C2orf81: variants seen among roughly 807,000 people sequenced by gnomAD.
C2orf81 encodes the protein uncharacterized protein C2orf81.
In C2orf81, 5 loss-of-function variants were observed where a neutral mutation model predicts 7.9. The ratio of observed to expected loss-of-function variants is 0.63; its 90% CI spans 0.33 to 1.33. The LOEUF is 1.33. C2orf81 is among the 40% of genes most tolerant of loss of function. The pLI is 0.05. For missense variants in C2orf81, 781 were observed against 830.4 expected, an observed-to-expected ratio of 0.94 and a Z score of 0.73; for synonymous variants, 346 against 367.4, an observed-to-expected ratio of 0.94 and a Z score of 0.66.
chr2:74,419,010 G>A (rs904791932), intron 1 of C2orf81, among the ~76,000 whole-genome samples: 8 of 151,842 alleles, frequency 5.3e-5, no homozygotes, highest in Non-Finnish European at 1.2e-4. Flanking sequence ...GTGAAACCCC[G>A]TCTCTACTAA....
Position 74,416,261 on chromosome 2 carries a change from C to T in C2orf81, c.19-20G>A. On this transcript the variant is annotated intron_variant, in intron 1 of 2. Coordinates refer to ENST00000684111, the MANE Select transcript of C2orf81 (RefSeq NM_001316764.3). The stretch of plus-strand genomic sequence containing the variant: ...CTGCCTCTGTGAGAACAAAACATGG[C>T]AATCAGAGCAGGAAACCAAGAAGTG... 1.5e-6 allele frequency: 2 copies of T among 1,323,618 alleles called. No individual in the cohort carries two copies. The highest frequency in any genetic ancestry group is 2.0e-6 in the Non-Finnish European group (2 of 1,008,406). 82.0% of individuals were successfully genotyped at this position (1,323,618 alleles called of 1,614,324 possible).
In C2orf81 at chr2:74,415,094, G is replaced by A. The variant is rs1193386778; in HGVS notation, c.1083C>T (p.Ser361=). The change falls in exon 3 of 3, where the codon AGC becomes AGT. Residue 361 remains serine (S), a synonymous_variant. Transcript: ENST00000684111. The surrounding 1 kb of genome is among the most constrained non-coding windows in gnomAD (Gnocchi z 5.5). ...QRAGHSDVRL[S]AHHHRMRRKA... ...TGCGGCGCATCCTGTGGTGGTGGGC[G>A]CTCAGCCGCACATCCGAGTGCCCGG... is the stretch of plus-strand genomic sequence containing the variant. The A allele has an allele frequency of 1.3e-6, 2 of 1,547,034 alleles. No individual in the cohort carries two copies. Among genetic ancestry groups the A allele is most frequent in the African/African-American group, 1.4e-5 (1 of 72,812 alleles).
rs1426779648 is a variant in C2orf81 at position 74,418,185 on chromosome 2, T to G, written c.19-1944A>C. ...CTTCCTCCTTCTCCAGTTTTTTGGG[T>G]CTTCCCCTTGGTTTCCTTCCCAGAG... On this transcript the variant is annotated intron_variant, in intron 1 of 2. Coordinates refer to ENST00000684111, the MANE Select transcript of C2orf81 (RefSeq NM_001316764.3). The G allele has an allele frequency of 1.8e-5, 24 of 1,325,340 alleles. 1 individual carries two copies. Among genetic ancestry groups the G allele is most frequent in the Middle Eastern group, 5.1e-4 (2 of 3,936 alleles). 82.1% of individuals were successfully genotyped at this position (1,325,340 alleles called of 1,614,324 possible).
At position 74,415,023 on chromosome 2, in the gene C2orf81, C is replaced by T. The variant is rs1387992432; in HGVS notation, c.1154G>A (p.Trp385Ter). ...RLDPARLPCHWVRPLAEVLVP... is the reference protein window; with the variant it reads ...RLDPARLPCH ...CAGGACCTCAGCCAGAGGGCGCACC[C>T]AGTGGCACGGGAGCCTCGCAGGGTC... Residue 385 changes from tryptophan (W) to a stop codon, truncating the protein, a stop_gained, in exon 3 of 3, where the codon TGG (tryptophan) becomes TAG (stop). Transcript: ENST00000684111. LOFTEE classifies it low-confidence loss of function (END_TRUNC). This position sits in a 1 kb window ranked among gnomAD's most constrained non-coding sequence, Gnocchi z 5.5. The T allele has an allele frequency of 5.8e-6, 9 of 1,548,670 alleles. No homozygotes were observed. The highest frequency in any genetic ancestry group is 1.4e-5 in the African/African-American group (1 of 72,936).
rs1676462305 is a variant in C2orf81 at position 74,416,180 on chromosome 2, G to A, written c.80C>T (p.Pro27Leu). The change falls in exon 2 of 3, where the codon CCG (proline) becomes CTG (leucine). Residue 27 changes from proline (P) to leucine (L), a missense_variant. By Grantham distance (98) the Pro-to-Leu change is moderately conservative. Transcript: ENST00000684111. ...CACCTGCGGCACTGGCACAGTGGGC[G>A]GCCGCACTTTTTCCGCCTTGGACCG... ...VTRSKAEKVR[P>L]PTVPVPQVDI... 2.7e-6 allele frequency: 4 copies of A among 1,466,826 alleles called. No individual in the cohort carries two copies. The highest frequency in any genetic ancestry group is 1.2e-5 in the South Asian group (1 of 82,516). The allele number at this position is 1,466,826 out of a possible 1,614,324, so 90.9% of individuals were successfully genotyped here.
At chr2:74,417,440 C>T (rs940508952) in intron 1 of C2orf81, 5 of 1,310,788 alleles carry the variant, frequency 3.8e-6, no homozygotes, top group Admixed American at 4.6e-5. Context: ...CCCAGGCAGA[C>T]GGTAAGGGGG....
intron 1 of C2orf81, chr2:74,417,978 T>G: frequency 2.3e-6 from 1 of 439,746 alleles, no homozygotes. Flanking sequence ...GCGGCTGGTG[T>G]GTTGTGTAGT....
At position 74,414,206 on chromosome 2, in the gene C2orf81, T is replaced by G; in HGVS notation, c.*123A>C. On this transcript the variant is annotated 3_prime_UTR_variant, in exon 3 of 3. Transcript: ENST00000684111. This position sits in a 1 kb window ranked among gnomAD's most constrained non-coding sequence, Gnocchi z 5.3. The stretch of plus-strand genomic sequence containing the variant: ...TCCTAAGGCAACTCAGGTGTTTATT[T>G]CTGGCTAGCAGAGGGAGGGACCAGT... The G allele has an allele frequency of 9.9e-7, 1 of 1,011,110 alleles. No homozygotes were observed. The highest frequency in any genetic ancestry group is 1.3e-6 in the Non-Finnish European group (1 of 749,470). 62.6% of individuals were successfully genotyped at this position (1,011,110 alleles called of 1,614,324 possible).
chr2:74,414,997 C>A lies in C2orf81; in HGVS notation c.1180G>T (p.Val394Phe). Reference sequence around the variant, plus strand: ...AAGGGGCGTGTTTGAGAGTCTGGGACCAGGACCTCAGCCAGAGGGCGCACC... The same window carrying A: ...AAGGGGCGTGTTTGAGAGTCTGGGAACAGGACCTCAGCCAGAGGGCGCACC... The part of the protein sequence containing the change: ...HWVRPLAEVL[V>F]PDSQTRPLEA... The change falls in exon 3 of 3, where the codon GTC becomes TTC. Residue 394 changes from valine (V) to phenylalanine (F), a missense_variant. Coordinates refer to ENST00000684111, the MANE Select transcript of C2orf81 (RefSeq NM_001316764.3). This position sits in a 1 kb window ranked among gnomAD's most constrained non-coding sequence, Gnocchi z 5.3. 1.9e-6 allele frequency: 3 copies of A among 1,549,038 alleles called. No homozygotes were observed. Among genetic ancestry groups the A allele is most frequent in the Non-Finnish European group, 2.6e-6 (3 of 1,146,306 alleles).
chr2:74,420,621 G>A (rs1368872772), intron 1 of C2orf81, among the ~76,000 whole-genome samples: 3 of 152,252 alleles, frequency 2.0e-5, no homozygotes, highest in East Asian at 3.9e-4. Flanking sequence ...GGCCAAGCTT[G>A]ACTAGAGCAG....
intron 1 of C2orf81, chr2:74,417,271 T>A (rs1235190104): frequency 2.6e-6 from 2 of 778,012 alleles, no homozygotes; most frequent in East Asian, 1.4e-4. Flanking sequence ...CTCCTTGTTA[T>A]TGGTGCCCCA....
At position 74,415,512 on chromosome 2, in the gene C2orf81, G is replaced by A. The variant is rs1676430728; in HGVS notation, c.665C>T (p.Ser222Leu). 2 of 1,544,562 alleles carry A rather than the reference G, an allele frequency of 1.3e-6. No individual in the cohort carries two copies. The highest frequency in any genetic ancestry group is 2.5e-5 in the East Asian group (1 of 40,692). ...WEPSPQLRVT[S>L]APPPTSELFQ... ...CAGCTCTGATGTGGGAGGAGGGGCC[G>A]ACGTGACTCTCAGCTGCGGAGAAGG... Residue 222 changes from serine (S) to leucine (L), a missense_variant, in exon 3 of 3, where the codon TCG becomes TTG. Transcript: ENST00000684111. This position sits in a 1 kb window ranked among gnomAD's most constrained non-coding sequence, Gnocchi z 5.5.
intron 1 of C2orf81, chr2:74,418,495 C>G: frequency 8.8e-7 from 1 of 1,138,970 alleles, no homozygotes; most frequent in South Asian, 1.3e-5. Context: ...TGGGCGAACT[C>G]GGCCGCTGGC....
rs1201082584 is a variant in C2orf81, at chr2:74,415,241, C to T, written c.936G>A (p.Ala312=). 4 of 1,551,482 alleles carry T rather than the reference C, an allele frequency of 2.6e-6. No individual in the cohort carries two copies. Among genetic ancestry groups the T allele is most frequent in the Non-Finnish European group, 3.5e-6 (4 of 1,146,972 alleles). ...ACCTGAGTTCCAGCCGATCCCCAGC[C>T]GCGTCCAGTTGAGGCATGCAACAGT... ...DLYCCMPQLD[A]AGDRLELRSE... is the part of the protein sequence containing the mutation. Residue 312 remains alanine, a synonymous_variant, in exon 3 of 3, where the codon GCG becomes GCA. Coordinates refer to ENST00000684111, the MANE Select transcript of C2orf81 (RefSeq NM_001316764.3). The surrounding 1 kb of genome is among the most constrained non-coding windows in gnomAD (Gnocchi z 5.5).
Position 74,414,221 on chromosome 2 carries a change from G to T in C2orf81, c.*108C>A. On this transcript the variant is annotated 3_prime_UTR_variant, in exon 3 of 3. Coordinates refer to ENST00000684111, the MANE Select transcript of C2orf81 (RefSeq NM_001316764.3). This position sits in a 1 kb window ranked among gnomAD's most constrained non-coding sequence, Gnocchi z 5.3. ...GGTGTTTATTTCTGGCTAGCAGAGG[G>T]AGGGACCAGTTACTACTGCCAGAGG... 1 of 1,134,342 alleles carries T rather than the reference G, an allele frequency of 8.8e-7. No homozygotes were observed. Among genetic ancestry groups the T allele is most frequent in the Non-Finnish European group, 1.2e-6 (1 of 854,112 alleles). 70.3% of individuals were successfully genotyped at this position (1,134,342 alleles called of 1,614,324 possible). A position where few individuals can be genotyped will look rare whatever the true frequency, so the allele number is the denominator to read the frequency against.
At position 74,421,532 on chromosome 2, in the gene C2orf81, C is replaced by CTGAA. The variant is rs1428718854; in HGVS notation, c.18+7_18+10dup. 1 of 398,046 alleles carries CTGAA rather than the reference C, an allele frequency of 2.5e-6. No homozygotes were observed. The highest frequency in any genetic ancestry group is 4.5e-6 in the Non-Finnish European group (1 of 223,532). The allele number at this position is 398,046 out of a possible 1,614,324, so 24.7% of individuals were successfully genotyped here. Reference sequence around the variant, plus strand: ...TGGCTCTGGCGCATCCCCAGCTGAACTGAAGCTCACCGAGCCTTCGTGCGC... The same window carrying CTGAA: ...TGGCTCTGGCGCATCCCCAGCTGAACTGAATGAAGCTCACCGAGCCTTCGTGCGC... On this transcript the variant is annotated intron_variant, in intron 1 of 2. Transcript: ENST00000684111.
rs1440787259 is a variant in C2orf81 at position 74,418,169 on chromosome 2, T to C, written c.19-1928A>G. The C allele has an allele frequency of 4.6e-6, 5 of 1,092,220 alleles. No homozygotes were observed. The East Asian group carries it at 1.3e-4, about 28-fold the overall frequency. 67.7% of individuals were successfully genotyped at this position (1,092,220 alleles called of 1,614,324 possible). A position where few individuals can be genotyped will look rare whatever the true frequency, so the allele number is the denominator to read the frequency against. On this transcript the variant is annotated intron_variant, in intron 1 of 2. Coordinates refer to ENST00000684111, the MANE Select transcript of C2orf81 (RefSeq NM_001316764.3). Reference sequence around the variant, plus strand: ...TGCGAGATGCCCTTCTCTTCCTCCTTCTCCAGTTTTTTGGGTCTTCCCCTT... The same window carrying C: ...TGCGAGATGCCCTTCTCTTCCTCCTCCTCCAGTTTTTTGGGTCTTCCCCTT...
At position 74,415,803 on chromosome 2, in the gene C2orf81, T is replaced by G; in HGVS notation, c.374A>C (p.Glu125Ala). The change falls in exon 3 of 3, where the codon GAG (glutamate) becomes GCG (alanine). Residue 125 changes from glutamate to alanine, a missense_variant. Glu to Ala is a moderately radical substitution (Grantham distance 107). Transcript: ENST00000684111. The surrounding 1 kb of genome is among the most constrained non-coding windows in gnomAD (Gnocchi z 5.5). ...GGAGTCCGTCGTGCATGCCGAAGGC[T>G]CCTCGTCCTCACCCCATGTGGGGTC... ...AEDPTWGEDE[E>A]PSACTTDSWA... The G allele has an allele frequency of 6.4e-7, 1 of 1,551,608 alleles. No individual in the cohort carries two copies. Among genetic ancestry groups the G allele is most frequent in the Non-Finnish European group, 8.7e-7 (1 of 1,146,994 alleles).
intron 1 of C2orf81, 166 bp from the exon 2 acceptor site, chr2:74,416,407 A>G: frequency 2.7e-6 from 1 of 375,404 alleles, no homozygotes. Context: ...TTGACCTAAT[A>G]ATTTTCATTA....
Sources: gnomAD v4.1 joint callset for allele counts (sites outside exome capture counted in the v4.1 genomes callset) on GRCh38, gnomAD v4.1.1 for gene constraint, Gnocchi (gnomAD v3.1) non-coding constraint, MANE v1.5 for transcripts, NCBI Gene and HGNC (gene_info 2026-07-23, HGNC 2026-07-21) for gene names.